EIF2AK1: variants seen among roughly 807,000 people sequenced by gnomAD.
EIF2AK1 encodes eukaryotic translation initiation factor 2 alpha kinase 1, also known as eukaryotic translation initiation factor 2-alpha kinase 1.
EIF2AK1 carries 54 observed loss-of-function variants against 77.9 expected under a neutral mutation model. The observed-to-expected ratio is 0.69, with a 90% CI of 0.56 to 0.87. The LOEUF (loss-of-function observed/expected upper bound fraction) is 0.87. EIF2AK1 is among the 40% of genes least tolerant of loss of function. The pLI is 0.00. For missense variants in EIF2AK1, 810 were observed against 768.6 expected (o/e 1.05, Z -0.64); for synonymous variants, 314 against 290.5 (o/e 1.08, Z -0.82).
Position 6,022,280 on chromosome 7 carries a change from A to C in EIF2AK1, c.*2393T>G, listed in dbSNP as rs1407553089. On this transcript the variant is annotated 3_prime_UTR_variant, in exon 15 of 15. Transcript: ENST00000199389. ...TTAACATTTTCTCAAGTTTATTGTA[A>C]GAATATAGCATATAATATACAGACC... 6.6e-6 allele frequency: 1 copy of C among 152,178 alleles called. No homozygotes were observed. The allele number at this position is 152,178 out of a possible 1,614,324, so 9.4% of individuals were successfully genotyped here.
In EIF2AK1 at chr7:6,036,113, G is replaced by C; in HGVS notation, c.1332+1311C>G. ...AGCGCAGTTGCAATGTAAGAGATAC[G>C]GCACTTCTGGCCAGGCTACTTTATC... On this transcript the variant is annotated intron_variant, in intron 11 of 14. Transcript: ENST00000199389. This position sits in a 1 kb window ranked among gnomAD's most constrained non-coding sequence, Gnocchi z 4.6. 3.2e-6 allele frequency: 5 copies of C among 1,550,688 alleles called. No individual in the cohort carries two copies. Among genetic ancestry groups the C allele is most frequent in the Non-Finnish European group, 4.4e-6 (5 of 1,147,030 alleles).
intron 2 of EIF2AK1, 142 bp from the exon 3 acceptor site, chr7:6,050,187 T>C (rs1788567027): frequency 1.4e-6 from 1 of 700,924 alleles, no homozygotes; most frequent in Non-Finnish European, 2.2e-6. Context: ...ATAAACACGT[T>C]AAACTTGGAG....
intron 1 of EIF2AK1, 137 bp downstream of exon 1, chr7:6,058,829 G>C: frequency 1.4e-6 from 1 of 690,688 alleles, no homozygotes; most frequent in Non-Finnish European, 2.2e-6. Context: ...CGCACTGCGC[G>C]GCTGGGCCGC....
rs1276303042 is a variant in EIF2AK1 at position 6,050,051 on chromosome 7, A to C, written c.278-6T>G. 4.4e-6 allele frequency: 7 copies of C among 1,594,158 alleles called. No homozygotes were observed. In the Admixed American group the frequency reaches 1.1e-4, roughly 25 times the overall value. On this transcript the variant is annotated splice_polypyrimidine_tract_variant and splice_region_variant and intron_variant, in intron 2 of 14. Coordinates refer to ENST00000199389, the MANE Select transcript of EIF2AK1 (RefSeq NM_014413.4). ...GATAAACGTCTGGCAAAGTACTATA[A>C]AAAGAATATGAAAAACTATTATTAG...
At chr7:6,050,680 G>A (rs555953380) in intron 2 of EIF2AK1, among the ~76,000 whole-genome samples, 9 of 146,292 alleles carry the variant, frequency 6.2e-5, no homozygotes, top group African/African-American at 2.3e-4. Context: ...TCGGCTCACT[G>A]CAAGCTCTGC....
chr7:6,031,593 T>C (rs1787914562), intron 11 of EIF2AK1: 1 of 1,550,636 alleles, frequency 6.4e-7, no homozygotes, highest in South Asian at 1.2e-5. Flanking sequence ...CTGACCCAGG[T>C]ACCCTCTTTT....
intron 14 of EIF2AK1, among the ~76,000 whole-genome samples, chr7:6,025,841 C>T (rs182264678): frequency 2.0e-5 from 3 of 152,130 alleles, no homozygotes; most frequent in South Asian, 2.1e-4. Context: ...CCATGTTGGC[C>T]GGGCTGGTCT....
rs1019185146 is a variant in EIF2AK1, at chr7:6,041,862, G to A, written c.792-643C>T. On this transcript the variant is annotated intron_variant, in intron 8 of 14. Transcript: ENST00000199389. ...TCTAAAAAAAAAAAAAAAAGCCAAT[G>A]TATAGGTCTGGCACAATGGCTCATG... Among the ~76,000 whole-genome samples, 3 of 144,966 alleles carry A rather than the reference G, an allele frequency of 2.1e-5. No homozygotes were observed. The Admixed American group carries it at 2.1e-4, about 10-fold the overall frequency.
In EIF2AK1 at chr7:6,023,966, T is replaced by C; in HGVS notation, c.*707A>G. 7.2e-7 allele frequency: 1 copy of C among 1,391,186 alleles called. No individual in the cohort carries two copies. Among genetic ancestry groups the C allele is most frequent in the Non-Finnish European group, 9.5e-7 (1 of 1,056,204 alleles). The allele number at this position is 1,391,186 out of a possible 1,614,324, so 86.2% of individuals were successfully genotyped here. A position where few individuals can be genotyped will look rare whatever the true frequency, so the allele number is the denominator to read the frequency against. On this transcript the variant is annotated 3_prime_UTR_variant, in exon 15 of 15. Transcript: ENST00000199389. ...TCGCTGCCTCTGAGGGATGTACAGA[T>C]TGGCTGGGGAGCTGAGTGCTACAAT...
At position 6,033,028 on chromosome 7, in the gene EIF2AK1, G is replaced by A; in HGVS notation, c.1333-3996C>T. 3.7e-6 allele frequency: 4 copies of A among 1,084,022 alleles called. No individual in the cohort carries two copies. The highest frequency in any genetic ancestry group is 2.6e-6 in the Non-Finnish European group (2 of 757,540). 67.2% of individuals were successfully genotyped at this position (1,084,022 alleles called of 1,614,324 possible). On this transcript the variant is annotated intron_variant, in intron 11 of 14. Coordinates refer to ENST00000199389, the MANE Select transcript of EIF2AK1 (RefSeq NM_014413.4). The surrounding 1 kb of genome is among the most constrained non-coding windows in gnomAD (Gnocchi z 4.4). ...CTGTTGCCCAGGCTGGAGTGCAATG[G>A]CACAATCTCGCCTCACTGCAACCTC...
chr7:6,059,043 T>C lies in EIF2AK1; in HGVS notation c.41A>G (p.Glu14Gly). 6.6e-7 allele frequency: 1 copy of C among 1,508,860 alleles called. No individual in the cohort carries two copies. The highest frequency in any genetic ancestry group is 8.8e-7 in the Non-Finnish European group (1 of 1,134,132). The allele number at this position is 1,508,860 out of a possible 1,614,324, so 93.5% of individuals were successfully genotyped here. A position where few individuals can be genotyped will look rare whatever the true frequency, so the allele number is the denominator to read the frequency against. The change falls in exon 1 of 15, where the codon GAG becomes GGG. Residue 14 changes from glutamate (E) to glycine (G), a missense_variant. This residue lies in a region of EIF2AK1 where 246 missense variants were observed against 199.0 expected (regional missense o/e 1.24). Coordinates refer to ENST00000199389, the MANE Select transcript of EIF2AK1 (RefSeq NM_014413.4). ...GNSGVRKREE[E>G]GDGAGAVAAP... ...AGCCACAGCCCCAGCCCCGTCGCCC[T>C]CCTCTTCGCGCTTGCGGACCCCGGA...
chr7:6,052,537 A>T (rs530781680), intron 2 of EIF2AK1, among the ~76,000 whole-genome samples: 1 of 140,862 alleles, frequency 7.1e-6, no homozygotes, highest in South Asian at 2.3e-4. Context: ...AAACGCATTC[A>T]GTTTTAAGAC....
At chr7:6,058,359 A>G (rs1430699116) in intron 1 of EIF2AK1, 5 of 332,304 alleles carry the variant, frequency 1.5e-5, no homozygotes, top group Admixed American at 8.0e-5. Flanking sequence ...GGAGGCTGCA[A>G]TGAGCTATGA....
At position 6,023,877 on chromosome 7, in the gene EIF2AK1, C is replaced by A; in HGVS notation, c.*796G>T. On this transcript the variant is annotated 3_prime_UTR_variant, in exon 15 of 15. Transcript: ENST00000199389. ...AAAATTCAGCAAAATCATACGCCATCTACCGTGATGACTGCCAACTCCATG... is the reference window on the plus strand; with the variant it reads ...AAAATTCAGCAAAATCATACGCCATATACCGTGATGACTGCCAACTCCATG... 1 of 1,529,872 alleles carries A rather than the reference C, an allele frequency of 6.5e-7. No individual in the cohort carries two copies. The highest frequency in any genetic ancestry group is 8.8e-7 in the Non-Finnish European group (1 of 1,137,572). 94.8% of individuals were successfully genotyped at this position (1,529,872 alleles called of 1,614,324 possible). A position where few individuals can be genotyped will look rare whatever the true frequency, so the allele number is the denominator to read the frequency against.
intron 11 of EIF2AK1, among the ~76,000 whole-genome samples, chr7:6,034,323 T>C (rs1300801406): frequency 6.6e-6 from 1 of 151,766 alleles, no homozygotes; most frequent in Non-Finnish European, 1.5e-5. Flanking sequence ...ATAATAATAA[T>C]AGAACTTCTT....
chr7:6,037,398 T>C, intron 11 of EIF2AK1, 26 bp downstream of exon 11: 1 of 1,489,826 alleles, frequency 6.7e-7, no homozygotes, highest in Non-Finnish European at 9.3e-7. Flanking sequence ...CCCACTGCTT[T>C]CAATGATTTC....
In EIF2AK1 at chr7:6,042,956, C is replaced by T. The variant is rs1788339346; in HGVS notation, c.768G>A (p.Val256=). ...RAAIELPSLE[V]LSDQEEDREQ... ...ACCTGTCCTCTTCCTGGTCGGAGAG[C>T]ACTTCCAGAGATGGCAACTCAATGG... Residue 256 remains valine (V), a synonymous_variant, in exon 8 of 15, where the codon GTG becomes GTA. Coordinates refer to ENST00000199389, the MANE Select transcript of EIF2AK1 (RefSeq NM_014413.4). The T allele has an allele frequency of 6.2e-7, 1 of 1,614,076 alleles. No individual in the cohort carries two copies. The highest frequency in any genetic ancestry group is 8.5e-7 in the Non-Finnish European group (1 of 1,179,978).
chr7:6,043,954 CCAGG>C (rs1460043661), intron 7 of EIF2AK1, among the ~76,000 whole-genome samples: 6 of 150,870 alleles, frequency 4.0e-5, no homozygotes, highest in African/African-American at 1.5e-4. Flanking sequence ...CAAAAATTAG[CCAGG>C]CGTGGCGGCA....
At position 6,033,360 on chromosome 7, in the gene EIF2AK1, G is replaced by A. The variant is rs972567804; in HGVS notation, c.1332+4064C>T. Among the ~76,000 whole-genome samples, 3 of 151,990 alleles carry A rather than the reference G, an allele frequency of 2.0e-5. No individual in the cohort carries two copies. The highest frequency in any genetic ancestry group is 2.9e-5 in the Non-Finnish European group (2 of 67,974). On this transcript the variant is annotated intron_variant, in intron 11 of 14. Coordinates refer to ENST00000199389, the MANE Select transcript of EIF2AK1 (RefSeq NM_014413.4). The surrounding 1 kb of genome is among the most constrained non-coding windows in gnomAD (Gnocchi z 4.4). ...TTTCCACTTATGTTTGGACTTGTTC[G>A]TTCTTATGAATGAACCAATGTCTTT...
Sources: gnomAD v4.1 joint callset for allele counts (sites outside exome capture counted in the v4.1 genomes callset) on GRCh38, gnomAD v4.1.1 for gene constraint, gnomAD v4.1.1 regional missense constraint, Gnocchi (gnomAD v3.1) non-coding constraint, MANE v1.5 for transcripts, NCBI Gene and HGNC (gene_info 2026-07-23, HGNC 2026-07-21) for gene names.